Variants in AKAP13 observed in about 807,000 individuals in gnomAD.
The protein encoded by AKAP13 is A-kinase anchor protein 13.
In AKAP13, 80 loss-of-function variants were observed where a neutral mutation model predicts 264.5. The ratio of observed to expected loss-of-function variants is 0.30; its 90% CI spans 0.25 to 0.36. The LOEUF (loss-of-function observed/expected upper bound fraction) is 0.36. Ranked by LOEUF, AKAP13 falls within the 10% of genes least tolerant of loss-of-function variation. The pLI is 1.00. For missense variants in AKAP13, 3,712 were observed against 3,435.2 expected, an observed-to-expected ratio of 1.08 and a Z score of -2.01; for synonymous variants, 1,380 against 1,250.2, an observed-to-expected ratio of 1.10 and a Z score of -2.19.
At chr15:85,508,674 C>T (rs2076317099) in intron 2 of AKAP13, among the ~76,000 whole-genome samples, 1 of 151,900 alleles carries the variant, frequency 6.6e-6, no homozygotes, top group African/African-American at 2.4e-5. Flanking sequence ...TTTCAAAACC[C>T]TCCAATGGTT....
chr15:85,611,120 C>T (rs1264310376), intron 8 of AKAP13, among the ~76,000 whole-genome samples: 1 of 152,220 alleles, frequency 6.6e-6, no homozygotes, highest in Non-Finnish European at 1.5e-5. Context: ...AAATCCGGAT[C>T]TTGTATTTGC....
intron 1 of AKAP13, among the ~76,000 whole-genome samples, chr15:85,435,951 A>G (rs983626374): frequency 9.7e-5 from 14 of 144,404 alleles, no homozygotes; most frequent in African/African-American, 3.6e-4. Flanking sequence ...GACAGGATCA[A>G]ATTCACACAT....
intron 30 of AKAP13, among the ~76,000 whole-genome samples, chr15:85,733,172 GC>G (rs1264069953): frequency 2.0e-5 from 3 of 152,202 alleles, no homozygotes; most frequent in Admixed American, 6.5e-5. Context: ...TAGTCCATGA[GC>G]TCTTTCATGC....
chr15:85,444,933 C>G (rs1209853601), intron 1 of AKAP13, among the ~76,000 whole-genome samples: 1 of 152,112 alleles, frequency 6.6e-6, no homozygotes, highest in South Asian at 2.1e-4. Context: ...TGTTTTTTAG[C>G]TGAGGGAATT....
intron 33 of AKAP13, among the ~76,000 whole-genome samples, chr15:85,738,610 G>A (rs370825104): frequency 2.0e-5 from 3 of 151,792 alleles, no homozygotes; most frequent in Non-Finnish European, 2.9e-5. Flanking sequence ...AGGCCGAGGC[G>A]GGTGGATCAT....
intron 1 of AKAP13, among the ~76,000 whole-genome samples, chr15:85,443,642 A>G (rs1596197094): frequency 6.6e-6 from 1 of 152,176 alleles, no homozygotes; most frequent in Non-Finnish European, 1.5e-5. Context: ...ATACAGCATT[A>G]TAATCTTATG....
At chr15:85,741,729 CAAAAAA>C (rs112524984) in intron 35 of AKAP13, among the ~76,000 whole-genome samples, 6 of 82,326 alleles carry the variant, frequency 7.3e-5, no homozygotes, top group Non-Finnish European at 1.2e-4. Context: ...AACAAACAAA[CAAAAAA>C]AAAAAACAGT....
intron 1 of AKAP13, among the ~76,000 whole-genome samples, chr15:85,385,689 C>T (rs756398540): frequency 6.6e-6 from 1 of 152,110 alleles, no homozygotes; most frequent in African/African-American, 2.4e-5. Context: ...ATCTTTTCAT[C>T]TGATTATTTG....
intron 1 of AKAP13, among the ~76,000 whole-genome samples, chr15:85,460,088 A>G (rs901450073): frequency 1.3e-5 from 2 of 152,204 alleles, no homozygotes; most frequent in Non-Finnish European, 2.9e-5. Flanking sequence ...TTTCTTGGGC[A>G]TACATGTCAT....
intron 1 of AKAP13, among the ~76,000 whole-genome samples, chr15:85,409,753 C>T (rs1220354827): frequency 6.6e-6 from 1 of 151,028 alleles, no homozygotes; most frequent in Non-Finnish European, 1.5e-5. Flanking sequence ...GCGTCAGCCT[C>T]CCGAGTAGCT....
In AKAP13 at chr15:85,582,094, T is replaced by A. The variant is rs374084711; in HGVS notation, c.4026T>A (p.Pro1342=). ...AGATCATTTTACCTGTCCAGGGGCC[T>A]GAGCCAGCAGCAGGTAAGCAAAACA... ...PEKIILPVQG[P]EPAAEMPDVK... Residue 1342 remains proline (P), a synonymous_variant, in exon 7 of 37, where the codon CCT becomes CCA. Transcript: ENST00000394518. 3.1e-6 allele frequency: 5 copies of A among 1,594,886 alleles called. No homozygotes were observed. In the African/African-American group the frequency reaches 6.7e-5, roughly 22 times the overall value.
At chr15:85,729,231 A>G (rs962928874) in intron 29 of AKAP13, among the ~76,000 whole-genome samples, 2 of 151,878 alleles carry the variant, frequency 1.3e-5, no homozygotes, top group African/African-American at 2.4e-5. Flanking sequence ...CCCGGGAGGC[A>G]GAGGGAGGTA....
chr15:85,594,479 T>C (rs978773395), intron 8 of AKAP13, among the ~76,000 whole-genome samples: 1 of 152,242 alleles, frequency 6.6e-6, no homozygotes, highest in African/African-American at 2.4e-5. Flanking sequence ...AAGAATATTA[T>C]ATTATTTTTA....
chr15:85,475,277 C>T (rs564422513), intron 1 of AKAP13, among the ~76,000 whole-genome samples: 1 of 152,290 alleles, frequency 6.6e-6, no homozygotes, highest in Non-Finnish European at 1.5e-5. Flanking sequence ...TGTCAGCACT[C>T]ACTGAATTAT....
At chr15:85,548,681 A>C (rs1054789094) in intron 5 of AKAP13, among the ~76,000 whole-genome samples, 3 of 152,222 alleles carry the variant, frequency 2.0e-5, no homozygotes, top group African/African-American at 7.2e-5. Context: ...TAATGACATC[A>C]GTAAAATTAG....
chr15:85,649,429 G>T (rs1434616450), intron 10 of AKAP13, among the ~76,000 whole-genome samples: 1 of 152,238 alleles, frequency 6.6e-6, no homozygotes, highest in African/African-American at 2.4e-5. Context: ...CACCCCCAGA[G>T]TGTGCTATGC....
chr15:85,426,955 G>GTTTTTTTTT (rs71468105), intron 1 of AKAP13, among the ~76,000 whole-genome samples: 1 of 125,084 alleles, frequency 8.0e-6, no homozygotes, highest in African/African-American at 3.0e-5. Context: ...GTTTTGTTTT[G>GTTTTTTTTT]TTTTTTTTTT....
At chr15:85,522,197 G>C (rs1405958976) in intron 3 of AKAP13, among the ~76,000 whole-genome samples, 1 of 152,052 alleles carries the variant, frequency 6.6e-6, no homozygotes, top group East Asian at 1.9e-4. Context: ...TAATCGATCA[G>C]TCCGTGACTC....
Position 85,403,877 on chromosome 15 carries a change from A to G in AKAP13, c.-12+23079A>G, listed in dbSNP as rs560126685. Among the ~76,000 whole-genome samples the G allele has an allele frequency of 1.8e-4, 28 of 151,532 alleles. No homozygotes were observed. In the East Asian group the frequency reaches 5.2e-3, roughly 28 times the overall value. On this transcript the variant is annotated intron_variant, in intron 1 of 36. Coordinates refer to ENST00000394518, the MANE Select transcript of AKAP13 (RefSeq NM_007200.5). ...AAAAAAAAAAAAAATCTGACGTGAA[A>G]TGCTCTCTCTCTTTCCTTGCTTTTG...
Sources: gnomAD v4.1 joint callset for allele counts (sites outside exome capture counted in the v4.1 genomes callset) on GRCh38, gnomAD v4.1.1 for gene constraint, MANE v1.5 for transcripts, NCBI Gene and HGNC (gene_info 2026-07-23, HGNC 2026-07-21) for gene names.